MRTFA: variants seen among roughly 807,000 people sequenced by gnomAD.
MRTFA encodes the protein myocardin related transcription factor A, also known as myocardin-related transcription factor A.
Under a neutral mutation model 83.5 loss-of-function variants are expected in MRTFA, and 20 were observed. The observed-to-expected ratio is 0.24, with a 90% CI of 0.17 to 0.35. The LOEUF is 0.35. Among genes scored for constraint, MRTFA ranks in the 10% least tolerant of loss-of-function variants. MRTFA has a pLI of 1.00. For synonymous variants in MRTFA, 659 were observed against 541.2 expected (o/e 1.22, Z -3.02); for missense variants, 1,200 against 1,224.7 (o/e 0.98, Z 0.30).
chr22:40,564,966 T>C (rs1467016458), intron 2 of MRTFA, among the ~76,000 whole-genome samples: 3 of 152,128 alleles, frequency 2.0e-5, no homozygotes, highest in Non-Finnish European at 4.4e-5. Context: ...TCTAACTTTA[T>C]AATGCTGAGG....
At position 40,416,223 on chromosome 22, in the gene MRTFA, A is replaced by C. The variant is rs1602199625; in HGVS notation, c.2578+763T>G. Among the ~76,000 whole-genome samples the C allele has an allele frequency of 6.7e-6, 1 of 149,712 alleles. No individual in the cohort carries two copies. Among genetic ancestry groups the C allele is most frequent in the African/African-American group, 2.5e-5 (1 of 40,328 alleles). ...TTGGCTGTTCCTTCCCTCTCCCCCC[A>C]CTTCATCCATAAAGACACCAACCTG... On this transcript the variant is annotated intron_variant, in intron 14 of 14. Coordinates refer to ENST00000355630, the MANE Select transcript of MRTFA (RefSeq NM_020831.6). This position sits in a 1 kb window ranked among gnomAD's most constrained non-coding sequence, Gnocchi z 4.2.
intron 2 of MRTFA, among the ~76,000 whole-genome samples, chr22:40,582,372 T>C (rs1194979335): frequency 1.3e-5 from 2 of 152,262 alleles, no homozygotes; most frequent in East Asian, 1.9e-4. Flanking sequence ...AATGCTATTA[T>C]GAATATTCAT....
chr22:40,614,123 A>G (rs950734109), intron 1 of MRTFA, among the ~76,000 whole-genome samples: 6 of 152,004 alleles, frequency 3.9e-5, no homozygotes, highest in African/African-American at 1.2e-4. Flanking sequence ...AATCACTAGA[A>G]TCTAGGCGGC....
intron 3 of MRTFA, among the ~76,000 whole-genome samples, chr22:40,497,268 C>T (rs1046297925): frequency 1.3e-5 from 2 of 151,900 alleles, no homozygotes; most frequent in Admixed American, 1.3e-4. Context: ...TTAAGTCAAA[C>T]CAAAAAGATG....
At chr22:40,417,773 C>A in intron 12 of MRTFA, 1 of 426,770 alleles carries the variant, frequency 2.3e-6, no homozygotes, top group Non-Finnish European at 4.2e-6. Flanking sequence ...GCTTCTTTCT[C>A]TGCTTGGGGC....
At chr22:40,505,681 A>C (rs1051529389) in intron 3 of MRTFA, among the ~76,000 whole-genome samples, 3 of 152,348 alleles carry the variant, frequency 2.0e-5, no homozygotes, top group African/African-American at 7.2e-5. Flanking sequence ...AAGAGGCTTC[A>C]CACAGCTTTC....
intron 1 of MRTFA, among the ~76,000 whole-genome samples, chr22:40,617,080 A>G (rs1229604477): frequency 6.7e-6 from 1 of 150,040 alleles, no homozygotes; most frequent in East Asian, 2.0e-4. Flanking sequence ...TCCAGCTTGG[A>G]TAACAGAGTG....
Position 40,636,494 on chromosome 22 carries a change from CG to C in MRTFA, c.-101del, listed in dbSNP as rs1214911555. 1 of 152,400 alleles carries C rather than the reference CG, an allele frequency of 6.6e-6. No individual in the cohort carries two copies. The highest frequency in any genetic ancestry group is 1.5e-5 in the Non-Finnish European group (1 of 68,190). The allele number at this position is 152,400 out of a possible 1,614,324, so 9.4% of individuals were successfully genotyped here. The stretch of plus-strand genomic sequence containing the variant: ...CTCACTCACCGCCTCGCGCGGCTCC[CG>C]GCCGGGTTCCGCGGCTCGCCCCACT... On this transcript the variant is annotated 5_prime_UTR_variant, in exon 1 of 15. Coordinates refer to ENST00000355630, the MANE Select transcript of MRTFA (RefSeq NM_020831.6).
At chr22:40,534,729 T>C (rs964670766) in intron 3 of MRTFA, among the ~76,000 whole-genome samples, 41 of 152,226 alleles carry the variant, frequency 2.7e-4, no homozygotes, top group African/African-American at 9.9e-4. Context: ...TTTCAGTCTA[T>C]CTGACTGAAT....
intron 3 of MRTFA, among the ~76,000 whole-genome samples, chr22:40,510,082 T>A (rs146617876): frequency 6.6e-6 from 1 of 151,528 alleles, no homozygotes; most frequent in South Asian, 2.1e-4. Context: ...AGAAAAAGAA[T>A]TGCAGAACCA....
chr22:40,526,887 C>G (rs1400218225), intron 3 of MRTFA, among the ~76,000 whole-genome samples: 1 of 151,978 alleles, frequency 6.6e-6, no homozygotes, highest in Non-Finnish European at 1.5e-5. Flanking sequence ...ACTGCTTGAG[C>G]TCAGGAGTTT....
intron 3 of MRTFA, among the ~76,000 whole-genome samples, chr22:40,519,786 C>T (rs1426350234): frequency 6.6e-6 from 1 of 152,162 alleles, no homozygotes; most frequent in East Asian, 1.9e-4. Flanking sequence ...TCTAGTTTCA[C>T]TTTGGAAACT....
At chr22:40,461,380 T>C (rs558616298) in intron 4 of MRTFA, among the ~76,000 whole-genome samples, 127 of 151,654 alleles carry the variant, frequency 8.4e-4, no homozygotes, top group African/African-American at 3.0e-3. Flanking sequence ...CAGCTGGGCA[T>C]GGTGATGCAC....
At chr22:40,622,437 TGCC>T (rs2056534188) in intron 1 of MRTFA, among the ~76,000 whole-genome samples, 2 of 145,738 alleles carry the variant, frequency 1.4e-5, no homozygotes, top group Non-Finnish European at 3.0e-5. Context: ...GCCGAGATGG[TGCC>T]ACTACACTCC....
chr22:40,535,195 T>A (rs2055146802), intron 3 of MRTFA, among the ~76,000 whole-genome samples: 1 of 152,086 alleles, frequency 6.6e-6, no homozygotes. Flanking sequence ...CAAACTGACT[T>A]AGGAAAAACG....
At chr22:40,514,634 C>T (rs897728352) in intron 3 of MRTFA, among the ~76,000 whole-genome samples, 1 of 132,552 alleles carries the variant, frequency 7.5e-6, no homozygotes, top group East Asian at 3.5e-4. Flanking sequence ...CCACCATGCC[C>T]GGGTAATTTT....
At chr22:40,476,467 T>C (rs1458471654) in intron 3 of MRTFA, among the ~76,000 whole-genome samples, 2 of 152,100 alleles carry the variant, frequency 1.3e-5, no homozygotes, top group Non-Finnish European at 2.9e-5. Context: ...CTTTTCTTTT[T>C]TGTTTTTTGA....
chr22:40,489,546 A>C (rs938934816), intron 3 of MRTFA, among the ~76,000 whole-genome samples: 1 of 151,884 alleles, frequency 6.6e-6, no homozygotes, highest in Non-Finnish European at 1.5e-5. Flanking sequence ...ATGCTGGGCT[A>C]AAGTGACCCT....
intron 3 of MRTFA, among the ~76,000 whole-genome samples, chr22:40,543,055 G>A (rs1221233187): frequency 1.3e-5 from 2 of 152,074 alleles, no homozygotes; most frequent in Admixed American, 6.6e-5. Context: ...TCTAAGTACT[G>A]GAATGAAGTA....
Sources: allele counts gnomAD v4.1 joint callset (sites outside exome capture counted in the v4.1 genomes callset), GRCh38; gene constraint gnomAD v4.1.1; non-coding constraint Gnocchi (gnomAD v3.1); transcripts MANE v1.5; gene names NCBI Gene and HGNC (gene_info 2026-07-23, HGNC 2026-07-21).